CUL5: variants seen among roughly 807,000 people sequenced by gnomAD.
CUL5 encodes cullin 5.
A neutral mutation model predicts 108.8 loss-of-function variants in CUL5; 26 were observed. That is an observed-to-expected ratio of 0.24 (90% confidence interval 0.18 to 0.33). CUL5 has a LOEUF of 0.33. Ranked by LOEUF, CUL5 falls within the 10% of genes least tolerant of loss-of-function variation. CUL5 has a pLI of 1.00. For missense variants in CUL5, 524 were observed against 909.2 expected, an observed-to-expected ratio of 0.58 and a Z score of 5.45; for synonymous variants, 334 against 298.0, an observed-to-expected ratio of 1.12 and a Z score of -1.25.
rs575303967 is a variant in CUL5 at position 108,044,855 on chromosome 11, G to A, written c.135-1415G>A. On this transcript the variant is annotated intron_variant, in intron 2 of 18. Transcript: ENST00000393094. ...TGGCTCACTGCAACCTCCGCCTCCC[G>A]GGTTCAAGTGATTCTCATGCTTCAG... 5.3e-5 allele frequency among the ~76,000 whole-genome samples: 8 copies of A among 151,858 alleles called. 1 individual carries two copies. The South Asian group carries it at 8.3e-4, about 16-fold the overall frequency.
intron 11 of CUL5, among the ~76,000 whole-genome samples, chr11:108,082,723 C>T (rs1375282538): frequency 6.6e-6 from 1 of 152,088 alleles, no homozygotes; most frequent in Non-Finnish European, 1.5e-5. Context: ...CAGCTCACTG[C>T]AGCCTTCGCC....
intron 11 of CUL5, among the ~76,000 whole-genome samples, chr11:108,087,486 TCAAG>T (rs1451271253): frequency 3.3e-5 from 5 of 152,204 alleles, no homozygotes; most frequent in Non-Finnish European, 5.9e-5. Flanking sequence ...TGTAAGACTT[TCAAG>T]CATGAAAATA....
At chr11:108,047,334 A>C (rs1266880906) in intron 3 of CUL5, among the ~76,000 whole-genome samples, 2 of 152,130 alleles carry the variant, frequency 1.3e-5, no homozygotes, top group East Asian at 3.8e-4. Context: ...GCAAAAAAAC[A>C]AAAAGGTCTG....
intron 1 of CUL5, among the ~76,000 whole-genome samples, chr11:108,018,631 C>T (rs1200087146): frequency 6.6e-5 from 10 of 152,010 alleles, no homozygotes; most frequent in East Asian, 3.9e-4. Flanking sequence ...GCCGAGATCA[C>T]GCCATTGCAC....
chr11:108,016,489 A>G (rs1862194685), intron 1 of CUL5, among the ~76,000 whole-genome samples: 1 of 152,182 alleles, frequency 6.6e-6, no homozygotes, highest in Admixed American at 6.5e-5. Flanking sequence ...CCTGGGCTCA[A>G]GCAATCTGCC....
intron 16 of CUL5, among the ~76,000 whole-genome samples, chr11:108,096,839 T>G (rs540827908): frequency 1.3e-5 from 2 of 152,218 alleles, no homozygotes; most frequent in South Asian, 4.1e-4. Context: ...ATGCTGGGAT[T>G]ACAGGCCTGA....
chr11:108,030,056 C>T (rs1242074437), intron 1 of CUL5, among the ~76,000 whole-genome samples: 4 of 152,132 alleles, frequency 2.6e-5, no homozygotes, highest in Non-Finnish European at 5.9e-5. Flanking sequence ...TATTTGCACA[C>T]CTCTTCCTCA....
At chr11:108,078,467 T>G (rs1191660530) in intron 11 of CUL5, among the ~76,000 whole-genome samples, 1 of 152,134 alleles carries the variant, frequency 6.6e-6, no homozygotes, top group South Asian at 2.1e-4. Context: ...TCCTAATCTT[T>G]TAGGATCTCT....
At chr11:108,095,487 C>A in intron 15 of CUL5, 43 bp from the exon 16 acceptor site, 1 of 1,310,254 alleles carries the variant, frequency 7.6e-7, no homozygotes, top group South Asian at 1.4e-5. Flanking sequence ...AAGAGAGAAT[C>A]ATCATGAGAT....
At chr11:108,077,784 A>C (rs1863977218) in intron 10 of CUL5, among the ~76,000 whole-genome samples, 1 of 152,132 alleles carries the variant, frequency 6.6e-6, no homozygotes, top group African/African-American at 2.4e-5. Flanking sequence ...GTCTCTACTA[A>C]AAATACAAAA....
At chr11:108,036,224 T>TA (rs1862739023) in intron 2 of CUL5, among the ~76,000 whole-genome samples, 1 of 152,194 alleles carries the variant, frequency 6.6e-6, no homozygotes, top group Non-Finnish European at 1.5e-5. Flanking sequence ...CATCAGTAGT[T>TA]AAAAAAGTCA....
At chr11:108,019,315 T>A (rs1862275344) in intron 1 of CUL5, among the ~76,000 whole-genome samples, 1 of 151,954 alleles carries the variant, frequency 6.6e-6, no homozygotes, top group African/African-American at 2.4e-5. Context: ...GGTTTTAAAA[T>A]CACATAACTG....
rs920927109 is a variant in CUL5, at chr11:108,106,425, A to T, written c.*2041A>T. ...TGAATTTAATGCAAAAGTGGGTAAC[A>T]CTACATTCATAGCAAAGTTTTTTAT... On this transcript the variant is annotated 3_prime_UTR_variant, in exon 19 of 19. Transcript: ENST00000393094. 2 of 152,554 alleles carry T rather than the reference A, an allele frequency of 1.3e-5. No homozygotes were observed. The highest frequency in any genetic ancestry group is 1.3e-4 in the Admixed American group (2 of 15,276). The allele number at this position is 152,554 out of a possible 1,614,324, so 9.5% of individuals were successfully genotyped here. A position where few individuals can be genotyped will look rare whatever the true frequency, so the allele number is the denominator to read the frequency against.
intron 2 of CUL5, among the ~76,000 whole-genome samples, chr11:108,037,645 T>G (rs1470851658): frequency 6.6e-6 from 1 of 152,198 alleles, no homozygotes; most frequent in Non-Finnish European, 1.5e-5. Context: ...TAAAATATTG[T>G]CTACCAGGGA....
intron 1 of CUL5, among the ~76,000 whole-genome samples, chr11:108,012,374 G>T (rs907134415): frequency 6.6e-6 from 1 of 151,816 alleles, no homozygotes; most frequent in Non-Finnish European, 1.5e-5. Context: ...TATTTGAAGT[G>T]CCCTTAACTT....
intron 11 of CUL5, among the ~76,000 whole-genome samples, chr11:108,087,819 G>A (rs1191948017): frequency 6.6e-6 from 1 of 152,126 alleles, no homozygotes; most frequent in East Asian, 1.9e-4. Flanking sequence ...TCAAAAATTA[G>A]CCGGGCATGG....
At chr11:108,046,177 G>A (rs1863063347) in intron 2 of CUL5, 93 bp from the exon 3 acceptor site, 2 of 824,674 alleles carry the variant, frequency 2.4e-6, no homozygotes, top group Admixed American at 5.2e-5. Flanking sequence ...GTTCTAATAT[G>A]GCCCATGGAA....
At chr11:108,041,978 T>C (rs77140412) in intron 2 of CUL5, among the ~76,000 whole-genome samples, 6,274 of 152,262 alleles carry the variant, frequency 0.041, 167 homozygotes, top group Non-Finnish European at 0.062. Flanking sequence ...CATGTTACTT[T>C]TGTTATAGTA....
At chr11:108,067,078 A>G (rs1473210259) in intron 7 of CUL5, among the ~76,000 whole-genome samples, 1 of 152,152 alleles carries the variant, frequency 6.6e-6, no homozygotes, top group Non-Finnish European at 1.5e-5. Flanking sequence ...ATAACTCAAG[A>G]CCTTATGAAC....
Sources: gnomAD v4.1 joint callset for allele counts (sites outside exome capture counted in the v4.1 genomes callset) on GRCh38, gnomAD v4.1.1 for gene constraint, MANE v1.5 for transcripts, NCBI Gene and HGNC (gene_info 2026-07-23, HGNC 2026-07-21) for gene names.